The following TMEM272 variants were observed in gnomAD, a reference collection of about 807,000 sequenced individuals.
TMEM272 encodes the protein transmembrane protein 272, also known as long intergenic non-protein coding RNA 282.
TMEM272 carries 8 observed loss-of-function variants against 3.7 expected under a neutral mutation model. The observed-to-expected ratio is 2.17, with a 90% CI of 1.27 to 3.91. The LOEUF (loss-of-function observed/expected upper bound fraction) is 3.91. TMEM272 is among the 30% of genes most tolerant of loss of function. The pLI is 0.00. For synonymous variants in TMEM272, 63 were observed against 39.8 expected (o/e 1.58, Z -2.20); for missense variants, 166 against 91.5 (o/e 1.81, Z -3.32).
intron 2 of TMEM272, among the ~76,000 whole-genome samples, chr13:51,827,988 T>A (rs1218709016): frequency 6.6e-6 from 1 of 152,182 alleles, no homozygotes; most frequent in African/African-American, 2.4e-5. Flanking sequence ...GGAATTGAAT[T>A]ACTCTGGGGG....
the TMEM272 span, among the ~76,000 whole-genome samples, chr13:51,924,196 G>A: frequency 1.3e-5 from 2 of 152,176 alleles, no homozygotes; most frequent in Non-Finnish European, 2.9e-5. Context: ...AGAGGTTGGC[G>A]CCCTATTCAG....
At chr13:51,870,317 A>G in the TMEM272 span, among the ~76,000 whole-genome samples, 2 of 152,234 alleles carry the variant, frequency 1.3e-5, no homozygotes, top group African/African-American at 2.4e-5. Flanking sequence ...TAAATTAAAA[A>G]TACACATAGA....
At chr13:51,839,810 C>T (rs1000435299) in intron 1 of TMEM272, among the ~76,000 whole-genome samples, 4 of 152,216 alleles carry the variant, frequency 2.6e-5, no homozygotes, top group Non-Finnish European at 5.9e-5. Context: ...CCATGCAGCC[C>T]GCAGCTTCTC....
At position 51,815,988 on chromosome 13, in the gene TMEM272, A is replaced by C. The variant is rs958414939; in HGVS notation, c.*763T>G. The stretch of plus-strand genomic sequence containing the variant: ...CCACCCAGCCAGCCGCAGATCATAG[A>C]GAGGTACTTGAATAGCCAGAGGCAG... On this transcript the variant is annotated 3_prime_UTR_variant, in exon 5 of 5. Transcript: ENST00000629372. The C allele has an allele frequency of 2.0e-5, 3 of 152,434 alleles. No individual in the cohort carries two copies. Among genetic ancestry groups the C allele is most frequent in the African/African-American group, 7.2e-5 (3 of 41,482 alleles). 9.4% of individuals were successfully genotyped at this position (152,434 alleles called of 1,614,324 possible). A position where few individuals can be genotyped will look rare whatever the true frequency, so the allele number is the denominator to read the frequency against.
the TMEM272 span, among the ~76,000 whole-genome samples, chr13:51,926,751 G>A: frequency 6.6e-6 from 1 of 152,150 alleles, no homozygotes; most frequent in East Asian, 1.9e-4. Context: ...ATGCTCTAAG[G>A]TGGGACAGGG....
the TMEM272 span, chr13:51,865,408 G>A: frequency 2.5e-6 from 4 of 1,606,400 alleles, no homozygotes; most frequent in East Asian, 8.9e-5. Context: ...GGCTGATAAG[G>A]AAGATGTTTT....
chr13:51,931,113 A>G, the TMEM272 span, among the ~76,000 whole-genome samples: 1 of 152,194 alleles, frequency 6.6e-6, no homozygotes. Flanking sequence ...CAAGTTTTAG[A>G]AAGTATCCAA....
the TMEM272 span, among the ~76,000 whole-genome samples, chr13:51,893,950 C>G: frequency 4.6e-5 from 7 of 152,076 alleles, no homozygotes; most frequent in African/African-American, 7.2e-5. Flanking sequence ...ATGATGAAGA[C>G]AGTAGTGCTA....
At chr13:51,844,604 G>A (rs1342903120) in intron 1 of TMEM272, among the ~76,000 whole-genome samples, 1 of 152,008 alleles carries the variant, frequency 6.6e-6, no homozygotes, top group African/African-American at 2.4e-5. Flanking sequence ...TTGGCTCCTA[G>A]GAAATGAAAA....
At chr13:51,859,297 C>T in the TMEM272 span, among the ~76,000 whole-genome samples, 1 of 152,060 alleles carries the variant, frequency 6.6e-6, no homozygotes, top group South Asian at 2.1e-4. Flanking sequence ...AAGACGGAGA[C>T]TTTGAAAAGT....
At chr13:51,926,028 G>A in the TMEM272 span, among the ~76,000 whole-genome samples, 2 of 152,118 alleles carry the variant, frequency 1.3e-5, no homozygotes, top group African/African-American at 2.4e-5. Flanking sequence ...TATGTGAGGT[G>A]CATGTGGTAT....
At chr13:51,870,450 G>A in the TMEM272 span, among the ~76,000 whole-genome samples, 1 of 152,204 alleles carries the variant, frequency 6.6e-6, no homozygotes, top group African/African-American at 2.4e-5. Flanking sequence ...AAGCCCAGAA[G>A]AAATGAGAAT....
chr13:51,834,359 AG>A (rs1275401025), intron 2 of TMEM272, among the ~76,000 whole-genome samples: 1 of 152,126 alleles, frequency 6.6e-6, no homozygotes, highest in Non-Finnish European at 1.5e-5. Context: ...GACCCCCAAA[AG>A]AGGAAAACGT....
intron 2 of TMEM272, among the ~76,000 whole-genome samples, chr13:51,833,428 G>C (rs377105819): frequency 7.9e-5 from 12 of 152,256 alleles, no homozygotes; most frequent in African/African-American, 2.9e-4. Flanking sequence ...AGGACTAAAG[G>C]GGGTGGCTCT....
intron 3 of TMEM272, among the ~76,000 whole-genome samples, chr13:51,824,706 G>C (rs774366344): frequency 6.6e-6 from 1 of 152,140 alleles, no homozygotes; most frequent in Non-Finnish European, 1.5e-5. Context: ...TCATCCCAGC[G>C]CTTTGGGAGG....
chr13:51,885,295 C>A, the TMEM272 span, among the ~76,000 whole-genome samples: 279 of 152,212 alleles, frequency 1.8e-3, 2 homozygotes, highest in African/African-American at 6.2e-3. Context: ...TGAGACTGGG[C>A]AATTTATAAA....
At chr13:51,910,846 G>A in the TMEM272 span, among the ~76,000 whole-genome samples, 1 of 152,188 alleles carries the variant, frequency 6.6e-6, no homozygotes, top group Non-Finnish European at 1.5e-5. Context: ...TCTACATCCT[G>A]AGGCAGCGCT....
the TMEM272 span, among the ~76,000 whole-genome samples, chr13:51,850,600 T>C: frequency 2.1e-3 from 324 of 152,304 alleles, 3 homozygotes; most frequent in Non-Finnish European, 3.8e-3. Context: ...CAGGTGGGGA[T>C]AGGGGGTATG....
chr13:51,920,029 G>A, the TMEM272 span, among the ~76,000 whole-genome samples: 1 of 152,194 alleles, frequency 6.6e-6, no homozygotes, highest in African/African-American at 2.4e-5. Flanking sequence ...TAGGCAATAC[G>A]TGGAATTATT....
Sources: gnomAD v4.1 joint callset for allele counts (sites outside exome capture counted in the v4.1 genomes callset) on GRCh38, gnomAD v4.1.1 for gene constraint, MANE v1.5 for transcripts, NCBI Gene and HGNC (gene_info 2026-07-23, HGNC 2026-07-21) for gene names.